Variants in SEL1L3 observed in about 807,000 individuals in gnomAD.
SEL1L3 encodes protein sel-1 homolog 3.
In SEL1L3, 76 loss-of-function variants were observed where a neutral mutation model predicts 142.8. The observed-to-expected ratio is 0.53, with a 90% confidence interval of 0.44 to 0.64. The LOEUF (loss-of-function observed/expected upper bound fraction) is 0.64. SEL1L3 is among the 30% of genes least tolerant of loss of function. SEL1L3 has a pLI of 0.00. For synonymous variants in SEL1L3, 504 were observed against 519.6 expected (o/e 0.97, Z 0.41); for missense variants, 1,262 against 1,381.7 (o/e 0.91, Z 1.37).
chr4:25,836,557 C>T (rs772696432), intron 2 of SEL1L3, among the ~76,000 whole-genome samples: 70 of 152,106 alleles, frequency 4.6e-4, no homozygotes, highest in Middle Eastern at 3.4e-3. Flanking sequence ...GAGGCTGAGG[C>T]GAGAGAATTG....
At chr4:25,756,813 C>T (rs549997910) in intron 23 of SEL1L3, 3 of 1,265,074 alleles carry the variant, frequency 2.4e-6, no homozygotes, top group Admixed American at 2.5e-5. Flanking sequence ...TTTGTTTATC[C>T]TCTTACACAT....
At chr4:25,769,780 C>G (rs1184260632) in intron 17 of SEL1L3, among the ~76,000 whole-genome samples, 1 of 152,168 alleles carries the variant, frequency 6.6e-6, no homozygotes, top group Non-Finnish European at 1.5e-5. Context: ...CCAGTGCCCT[C>G]TAACCGTAAC....
intron 2 of SEL1L3, among the ~76,000 whole-genome samples, chr4:25,836,145 C>T (rs562588261): frequency 1.3e-5 from 2 of 152,266 alleles, no homozygotes; most frequent in South Asian, 2.1e-4. Context: ...GGAAAGTCTT[C>T]CATTTTATTT....
At chr4:25,779,929 A>G (rs1323790925) in intron 15 of SEL1L3, among the ~76,000 whole-genome samples, 1 of 152,192 alleles carries the variant, frequency 6.6e-6, no homozygotes, top group Non-Finnish European at 1.5e-5. Context: ...CTTCCACTAA[A>G]AAATGTGCCT....
chr4:25,851,649 G>A (rs1174934874), intron 1 of SEL1L3, among the ~76,000 whole-genome samples: 2 of 151,974 alleles, frequency 1.3e-5, no homozygotes, highest in Non-Finnish European at 2.9e-5. Context: ...CCAGCACTTT[G>A]GGAGGCTGAG....
intron 9 of SEL1L3, among the ~76,000 whole-genome samples, chr4:25,807,318 C>T (rs1713657313): frequency 6.6e-6 from 1 of 152,186 alleles, no homozygotes; most frequent in Non-Finnish European, 1.5e-5. Flanking sequence ...GTTAGGATGA[C>T]ATCTGCATGA....
At chr4:25,832,918 C>A in intron 5 of SEL1L3, 77 bp downstream of exon 5, 1 of 883,728 alleles carries the variant, frequency 1.1e-6, no homozygotes, top group Non-Finnish European at 1.8e-6. Flanking sequence ...GATTTTGTTG[C>A]TCCCCGGCTT....
chr4:25,719,013 C>T, the SEL1L3 span: 6 of 152,074 alleles, frequency 3.9e-5, no homozygotes, highest in African/African-American at 1.5e-4. Flanking sequence ...CCCGTCTCTA[C>T]TAAAAATACA....
chr4:25,744,360 T>TTTTTTTTTTTG (rs1717199845), downstream of SEL1L3, among the ~76,000 whole-genome samples: 1 of 142,420 alleles, frequency 7.0e-6, no homozygotes, highest in East Asian at 2.1e-4. Flanking sequence ...TTTTTTTTTT[T>TTTTTTTTTTTG]TTTTTTGAGA....
intron 21 of SEL1L3, among the ~76,000 whole-genome samples, chr4:25,758,189 C>G (rs564513614): frequency 6.6e-6 from 1 of 152,162 alleles, no homozygotes; most frequent in South Asian, 2.1e-4. Flanking sequence ...TGGCTATTTA[C>G]GCAGGGCATG....
At chr4:25,795,953 G>A (rs1355861307) in intron 11 of SEL1L3, among the ~76,000 whole-genome samples, 5 of 152,056 alleles carry the variant, frequency 3.3e-5, no homozygotes, top group Admixed American at 1.3e-4. Context: ...GGGCGGGTGT[G>A]TGGGGTAGGG....
At chr4:25,836,794 G>C (rs1715851296) in intron 2 of SEL1L3, among the ~76,000 whole-genome samples, 1 of 152,186 alleles carries the variant, frequency 6.6e-6, no homozygotes, top group South Asian at 2.1e-4. Context: ...ACCAATATCG[G>C]CACAAATTAT....
At chr4:25,812,882 G>A (rs9762807) in intron 9 of SEL1L3, among the ~76,000 whole-genome samples, 11,399 of 151,258 alleles carry the variant, frequency 0.075, 1,448 homozygotes, top group African/African-American at 0.26. Context: ...GTGTGGTGGC[G>A]TGCGCCTGTA....
chr4:25,750,007 C>T (rs1013759914), intron 23 of SEL1L3, among the ~76,000 whole-genome samples: 2 of 151,850 alleles, frequency 1.3e-5, no homozygotes, highest in East Asian at 1.9e-4. Context: ...GCCCGGACGG[C>T]CGGATAACCT....
the SEL1L3 span, among the ~76,000 whole-genome samples, chr4:25,742,224 T>C: frequency 0.63 from 96,124 of 152,024 alleles, 30,714 homozygotes; most frequent in Middle Eastern, 0.73. Flanking sequence ...CTTGCTCTGT[T>C]GCTCAGGCTG....
intron 6 of SEL1L3, among the ~76,000 whole-genome samples, chr4:25,827,825 C>T (rs935111078): frequency 2.6e-5 from 4 of 152,176 alleles, no homozygotes; most frequent in Admixed American, 1.3e-4. Flanking sequence ...TGGAGCTGGA[C>T]GTGGGTTTCA....
chr4:25,781,623 C>A (rs1315690332), intron 15 of SEL1L3, among the ~76,000 whole-genome samples: 1 of 152,126 alleles, frequency 6.6e-6, no homozygotes, highest in Non-Finnish European at 1.5e-5. Flanking sequence ...TGCACTAGGC[C>A]AGGTCCTCAC....
At chr4:25,792,570 C>A (rs1712425413) in intron 11 of SEL1L3, among the ~76,000 whole-genome samples, 1 of 152,234 alleles carries the variant, frequency 6.6e-6, no homozygotes, top group South Asian at 2.1e-4. Flanking sequence ...CTGAGCTGCC[C>A]TGAGAAGGAG....
the SEL1L3 span, among the ~76,000 whole-genome samples, chr4:25,721,689 T>G: frequency 2.0e-5 from 3 of 152,104 alleles, no homozygotes; most frequent in African/African-American, 7.2e-5. Context: ...GCCAGGGAAA[T>G]TCACAGGAGG....
Sources: allele counts gnomAD v4.1 joint callset (sites outside exome capture counted in the v4.1 genomes callset), GRCh38; gene constraint gnomAD v4.1.1; transcripts MANE v1.5; gene names NCBI Gene and HGNC (gene_info 2026-07-23, HGNC 2026-07-21).